CSMD1: variants seen among roughly 807,000 people sequenced by gnomAD.
CSMD1 encodes CUB and Sushi multiple domains 1.
In CSMD1, 213 loss-of-function variants were observed where a neutral mutation model predicts 417.5. The observed-to-expected ratio is 0.51, with a 90% CI of 0.46 to 0.57. The LOEUF (loss-of-function observed/expected upper bound fraction) is 0.57, where lower values mean the gene tolerates loss of function less well. Ranked by LOEUF, CSMD1 falls within the 20% of genes least tolerant of loss-of-function variation. CSMD1 has a pLI of 0.00. For synonymous variants in CSMD1, 2,862 were observed against 1,736.8 expected (o/e 1.65, Z -16.11); for missense variants, 6,923 against 4,529.7 (o/e 1.53, Z -15.17).
At chr8:3,648,507 G>T (rs1018880630) in intron 7 of CSMD1, among the ~76,000 whole-genome samples, 13 of 152,152 alleles carry the variant, frequency 8.5e-5, no homozygotes, top group Admixed American at 6.5e-5. Context: ...TGAGATTTTG[G>T]ACCTGTTGAA....
chr8:3,588,481 A>G (rs1270836592), intron 8 of CSMD1, among the ~76,000 whole-genome samples: 1 of 152,084 alleles, frequency 6.6e-6, no homozygotes, highest in Admixed American at 6.5e-5. Context: ...TTCAAACAGA[A>G]AGGGAGGGAT....
At chr8:3,255,323 C>A (rs908921971) in intron 26 of CSMD1, among the ~76,000 whole-genome samples, 1 of 152,114 alleles carries the variant, frequency 6.6e-6, no homozygotes, top group Non-Finnish European at 1.5e-5. Flanking sequence ...GACAGGGACC[C>A]ACTTGAGGAG....
At chr8:4,135,066 G>C (rs940091847) in intron 3 of CSMD1, among the ~76,000 whole-genome samples, 1 of 151,994 alleles carries the variant, frequency 6.6e-6, no homozygotes, top group African/African-American at 2.4e-5. Context: ...AGCACAGTGA[G>C]TTCACATAGA....
At chr8:3,730,048 A>G (rs1458873801) in intron 6 of CSMD1, among the ~76,000 whole-genome samples, 1 of 151,112 alleles carries the variant, frequency 6.6e-6, no homozygotes, top group African/African-American at 2.4e-5. Context: ...GTGTTTCCAC[A>G]GGTCCTCTAC....
intron 1 of CSMD1, among the ~76,000 whole-genome samples, chr8:4,748,719 A>C (rs373895361): frequency 2.6e-5 from 4 of 152,242 alleles, no homozygotes; most frequent in Non-Finnish European, 4.4e-5. Context: ...GCAGATATTC[A>C]AAGAATACTC....
At chr8:4,056,613 C>T (rs1473146731) in intron 3 of CSMD1, among the ~76,000 whole-genome samples, 3 of 151,708 alleles carry the variant, frequency 2.0e-5, no homozygotes, top group African/African-American at 7.3e-5. Flanking sequence ...TATACATGTG[C>T]CATGCTGGGG....
At chr8:3,394,056 A>ATATG (rs1491514580) in intron 17 of CSMD1, among the ~76,000 whole-genome samples, 5 of 119,984 alleles carry the variant, frequency 4.2e-5, no homozygotes, top group African/African-American at 1.1e-4. Context: ...ATATATATAT[A>ATATG]GAAAAAAAGA....
intron 52 of CSMD1, among the ~76,000 whole-genome samples, chr8:3,001,539 T>C (rs1225706067): frequency 6.6e-6 from 1 of 152,240 alleles, no homozygotes; most frequent in Non-Finnish European, 1.5e-5. Flanking sequence ...AATAATCATC[T>C]TTGTCACTCT....
chr8:3,535,115 A>T (rs1334924715), intron 10 of CSMD1, among the ~76,000 whole-genome samples: 9 of 147,628 alleles, frequency 6.1e-5, no homozygotes, highest in African/African-American at 1.5e-4. Context: ...GTCAGCTAAT[A>T]TTTTTTTTTT....
chr8:3,901,698 T>C (rs150588267), intron 5 of CSMD1, among the ~76,000 whole-genome samples: 13 of 152,342 alleles, frequency 8.5e-5, no homozygotes, highest in Non-Finnish European at 1.9e-4. Context: ...TTATTAGATT[T>C]TGAAATGGCA....
At chr8:3,222,373 A>G (rs1246168487) in intron 28 of CSMD1, among the ~76,000 whole-genome samples, 1 of 151,784 alleles carries the variant, frequency 6.6e-6, no homozygotes, top group African/African-American at 2.4e-5. Flanking sequence ...CAGACTAGAC[A>G]CTCATAGCTC....
At chr8:3,216,803 T>A (rs2116830677) in intron 29 of CSMD1, among the ~76,000 whole-genome samples, 1 of 152,368 alleles carries the variant, frequency 6.6e-6, no homozygotes, top group South Asian at 2.1e-4. Flanking sequence ...AGCCAGGATT[T>A]GTGAATTGTT....
In CSMD1 at chr8:4,576,639, A is replaced by T. The variant is rs1227267521; in HGVS notation, c.302+60703T>A. Among the ~76,000 whole-genome samples, 5 of 152,170 alleles carry T rather than the reference A, an allele frequency of 3.3e-5. No homozygotes were observed. The South Asian group carries it at 1.0e-3, about 32-fold the overall frequency. On this transcript the variant is annotated intron_variant, in intron 2 of 69. Coordinates refer to ENST00000635120, the MANE Select transcript of CSMD1 (RefSeq NM_033225.6). ...GTATATATATAGCATTTATTAAATAAATATTTTTGGATACATGAAAACAAT... is the reference window on the plus strand; with the variant it reads ...GTATATATATAGCATTTATTAAATATATATTTTTGGATACATGAAAACAAT...
At chr8:4,808,712 C>G (rs940688987) in intron 1 of CSMD1, among the ~76,000 whole-genome samples, 3 of 152,156 alleles carry the variant, frequency 2.0e-5, no homozygotes, top group African/African-American at 7.2e-5. Flanking sequence ...CGCTTGAACA[C>G]GCCCACTCAG....
At chr8:4,761,914 T>TCTAC (rs1244924557) in intron 1 of CSMD1, among the ~76,000 whole-genome samples, 11 of 98,512 alleles carry the variant, frequency 1.1e-4, no homozygotes, top group African/African-American at 4.2e-4. Flanking sequence ...TATCTATCAA[T>TCTAC]CTATCTATCT....
At chr8:4,235,712 G>T (rs191513374) in intron 3 of CSMD1, among the ~76,000 whole-genome samples, 2 of 152,092 alleles carry the variant, frequency 1.3e-5, no homozygotes, top group South Asian at 2.1e-4. Context: ...TTATTCTTGT[G>T]ATATGTAAGT....
chr8:4,931,954 T>G (rs908182545), intron 1 of CSMD1, among the ~76,000 whole-genome samples: 20 of 152,034 alleles, frequency 1.3e-4, no homozygotes, highest in African/African-American at 4.8e-4. Flanking sequence ...TTGTGTAACA[T>G]GTATTAGTTA....
intron 1 of CSMD1, among the ~76,000 whole-genome samples, chr8:4,923,950 T>C (rs2117156673): frequency 6.6e-6 from 1 of 152,344 alleles, no homozygotes; most frequent in Non-Finnish European, 1.5e-5. Flanking sequence ...AGCAAGCTAT[T>C]CTCAACCTTG....
chr8:3,882,435 G>C (rs951242623), intron 5 of CSMD1, among the ~76,000 whole-genome samples: 1 of 152,182 alleles, frequency 6.6e-6, no homozygotes, highest in East Asian at 1.9e-4. Flanking sequence ...GGAGCAACTG[G>C]AAATTTCCTA....
Sources: allele counts gnomAD v4.1 joint callset (sites outside exome capture counted in the v4.1 genomes callset), GRCh38; gene constraint gnomAD v4.1.1; transcripts MANE v1.5; gene names NCBI Gene and HGNC (gene_info 2026-07-23, HGNC 2026-07-21).